Variants in ACSS3 observed in about 807,000 individuals in gnomAD.
ACSS3 encodes acyl-CoA synthetase short-chain family member 3, mitochondrial.
In ACSS3, 64 loss-of-function variants were observed where a neutral mutation model predicts 84.2. That is an observed-to-expected ratio of 0.76 (90% CI 0.62 to 0.94). The LOEUF is 0.94. Among genes scored for constraint, ACSS3 ranks in the 40% least tolerant of loss-of-function variants. The pLI is 0.00. For synonymous variants in ACSS3, 317 were observed against 310.1 expected, an observed-to-expected ratio of 1.02 and a Z score of -0.23; for missense variants, 815 against 867.6, an observed-to-expected ratio of 0.94 and a Z score of 0.76.
rs1565730437 is a variant in ACSS3, at chr12:81,224,573, C to CGTGT, written c.1514+4497_1514+4498insGTGT. On this transcript the variant is annotated intron_variant, in intron 11 of 15. Transcript: ENST00000548058. ...ATACATATATATATACACACACACA[C>CGTGT]ATGTGTGTGTGTGTGTGTGTGTGTG... Among the ~76,000 whole-genome samples, 172 of 135,304 alleles carry CGTGT rather than the reference C, an allele frequency of 1.3e-3. 1 individual carries two copies. The highest frequency in any genetic ancestry group is 4.5e-3 in the African/African-American group (160 of 35,180). 88.8% of individuals were successfully genotyped at this position (135,304 alleles called of 152,430 possible). A position where few individuals can be genotyped will look rare whatever the true frequency, so the allele number is the denominator to read the frequency against.
chr12:81,163,389 T>C (rs1215664488), intron 7 of ACSS3, among the ~76,000 whole-genome samples: 4 of 151,460 alleles, frequency 2.6e-5, no homozygotes, highest in Admixed American at 2.6e-4. Context: ...GATGCTGGTA[T>C]AAACAAACCT....
chr12:81,235,689 T>A (rs151304356), intron 13 of ACSS3, among the ~76,000 whole-genome samples: 1 of 151,660 alleles, frequency 6.6e-6, no homozygotes, highest in East Asian at 1.9e-4. Flanking sequence ...ATACAGATTC[T>A]GAACAAGTTT....
chr12:81,081,080 A>G (rs944893391), intron 1 of ACSS3, among the ~76,000 whole-genome samples: 3 of 152,184 alleles, frequency 2.0e-5, no homozygotes, highest in Non-Finnish European at 4.4e-5. Flanking sequence ...GGCAAGAGCG[A>G]TTCTTCATTA....
intron 3 of ACSS3, among the ~76,000 whole-genome samples, chr12:81,135,217 A>G (rs1302085399): frequency 1.3e-5 from 2 of 148,878 alleles, no homozygotes; most frequent in African/African-American, 4.9e-5. Flanking sequence ...AATTTCAAAG[A>G]CATGGAATCA....
rs1333518072 is a variant in ACSS3 at position 81,078,162 on chromosome 12, CG to C, written c.48del (p.Leu17SerfsTer21). The C allele has an allele frequency of 5.3e-6, 8 of 1,517,274 alleles. No homozygotes were observed. Among genetic ancestry groups the C allele is most frequent in the Admixed American group, 5.0e-5 (2 of 39,832 alleles). 94.0% of individuals were successfully genotyped at this position (1,517,274 alleles called of 1,614,324 possible). ...WLQCRKVTSA[G>X]GLGGPLPGSS... Reference sequence around the variant, plus strand: ...TGCAGTGTCGTAAAGTCACCAGCGCCGGGGGGCTCGGAGGGCCCTTGCCTGG... The same window carrying C: ...TGCAGTGTCGTAAAGTCACCAGCGCCGGGGGCTCGGAGGGCCCTTGCCTGG... On this transcript the variant is annotated frameshift_variant, in exon 1 of 16. Coordinates refer to ENST00000548058, the MANE Select transcript of ACSS3 (RefSeq NM_024560.4). LOFTEE classifies it high-confidence loss of function.
At chr12:81,084,002 G>A (rs999095367) in intron 1 of ACSS3, among the ~76,000 whole-genome samples, 1 of 152,030 alleles carries the variant, frequency 6.6e-6, no homozygotes. Flanking sequence ...AATGTCTGTC[G>A]GCGATGGGTC....
At chr12:81,229,440 A>G (rs1593222338) in intron 11 of ACSS3, among the ~76,000 whole-genome samples, 1 of 151,828 alleles carries the variant, frequency 6.6e-6, no homozygotes. Flanking sequence ...GATTTTTAGT[A>G]TTTGTTATAG....
intron 7 of ACSS3, among the ~76,000 whole-genome samples, chr12:81,154,084 GAGAAA>G (rs1298976839): frequency 6.6e-6 from 1 of 152,046 alleles, no homozygotes; most frequent in Admixed American, 6.6e-5. Flanking sequence ...AAATAATCTT[GAGAAA>G]ACATTTTGTA....
chr12:81,157,768 C>T (rs571691887), intron 7 of ACSS3, among the ~76,000 whole-genome samples: 1 of 152,050 alleles, frequency 6.6e-6, no homozygotes, highest in Non-Finnish European at 1.5e-5. Flanking sequence ...GATCGCAACA[C>T]TGCACTCCAG....
At chr12:81,158,911 G>C (rs10467042) in intron 7 of ACSS3, among the ~76,000 whole-genome samples, 101,611 of 151,914 alleles carry the variant, frequency 0.67, 34,269 homozygotes, top group Non-Finnish European at 0.72. Context: ...TCCTCTAACT[G>C]TACTAAGGAA....
intron 2 of ACSS3, among the ~76,000 whole-genome samples, chr12:81,123,201 G>C (rs1016371998): frequency 6.6e-6 from 1 of 152,014 alleles, no homozygotes; most frequent in South Asian, 2.1e-4. Context: ...TGAATCCTGT[G>C]GTGAATGGTG....
chr12:81,170,680 C>G (rs1245252841), intron 7 of ACSS3, among the ~76,000 whole-genome samples: 1 of 152,044 alleles, frequency 6.6e-6, no homozygotes, highest in African/African-American at 2.4e-5. Flanking sequence ...TGTTTAAAAT[C>G]CCTGCATTCT....
In ACSS3 at chr12:81,158,800, A is replaced by C. The variant is rs1258922202; in HGVS notation, c.1098+6704A>C. 5.9e-5 allele frequency among the ~76,000 whole-genome samples: 9 copies of C among 151,992 alleles called. No homozygotes were observed. The East Asian group carries it at 1.8e-3, about 30-fold the overall frequency. On this transcript the variant is annotated intron_variant, in intron 7 of 15. Coordinates refer to ENST00000548058, the MANE Select transcript of ACSS3 (RefSeq NM_024560.4). ...CCTGATTAGGTCAAATCCCTTTATC[A>C]TGGTCTTTTAGCACATTGCATTTTC...
In ACSS3 at chr12:81,141,562, T is replaced by A. The variant is rs550386055; in HGVS notation, c.781-1545T>A. ...TGCATATATGTGAAAGTGTTTTTTTTCCTCTGTTTCTCAGATCTCCTTTGC... is the reference window on the plus strand; with the variant it reads ...TGCATATATGTGAAAGTGTTTTTTTACCTCTGTTTCTCAGATCTCCTTTGC... On this transcript the variant is annotated intron_variant, in intron 4 of 15. Transcript: ENST00000548058. Among the ~76,000 whole-genome samples the A allele has an allele frequency of 3.5e-4, 53 of 152,324 alleles. No homozygotes were observed. The South Asian group carries it at 0.011, about 32-fold the overall frequency.
At chr12:81,155,779 G>A (rs1461845995) in intron 7 of ACSS3, among the ~76,000 whole-genome samples, 1 of 152,130 alleles carries the variant, frequency 6.6e-6, no homozygotes, top group Non-Finnish European at 1.5e-5. Flanking sequence ...GATATGATGT[G>A]TGCCTATACA....
chr12:81,078,264 C>G lies in ACSS3; in HGVS notation c.144C>G (p.Gly48=), dbSNP rs755321880. The G allele has an allele frequency of 2.5e-6, 4 of 1,609,972 alleles. No individual in the cohort carries two copies. Among genetic ancestry groups the G allele is most frequent in the Non-Finnish European group, 3.4e-6 (4 of 1,179,594 alleles). Residue 48 remains glycine, a synonymous_variant, in exon 1 of 16, where the codon GGC becomes GGG. Transcript: ENST00000548058. ...VVPGPRGGLG[G]RGCRALSSGS... ...CGGGCCCGCGGGGCGGTCTCGGGGGCCGGGGATGCAGGGCACTGTCCTCCG... is the reference window on the plus strand; with the variant it reads ...CGGGCCCGCGGGGCGGTCTCGGGGGGCGGGGATGCAGGGCACTGTCCTCCG...
chr12:81,091,818 A>C (rs1881687056), intron 1 of ACSS3, among the ~76,000 whole-genome samples: 1 of 152,254 alleles, frequency 6.6e-6, no homozygotes, highest in South Asian at 2.1e-4. Flanking sequence ...AGGATACAAA[A>C]CATGTTGGTA....
intron 9 of ACSS3, among the ~76,000 whole-genome samples, chr12:81,205,829 G>T (rs570962281): frequency 6.6e-6 from 1 of 152,196 alleles, no homozygotes. Context: ...TATGCCTCTT[G>T]TTATTTTTAC....
intron 2 of ACSS3, among the ~76,000 whole-genome samples, chr12:81,133,636 A>AC (rs1885639455): frequency 6.6e-6 from 1 of 151,624 alleles, no homozygotes; most frequent in Non-Finnish European, 1.5e-5. Context: ...AATTACATCC[A>AC]CCCCTTCCCC....
Sources: gnomAD v4.1 joint callset for allele counts (sites outside exome capture counted in the v4.1 genomes callset) on GRCh38, gnomAD v4.1.1 for gene constraint, MANE v1.5 for transcripts, NCBI Gene and HGNC (gene_info 2026-07-23, HGNC 2026-07-21) for gene names.